The following C2CD3 variants were observed in gnomAD, a reference collection of about 807,000 sequenced individuals.
C2CD3 encodes the protein C2 domain-containing protein 3.
In C2CD3, 148 loss-of-function variants were observed where a neutral mutation model predicts 234.0. The ratio of observed to expected loss-of-function variants is 0.63; its 90% CI spans 0.55 to 0.72. The LOEUF (loss-of-function observed/expected upper bound fraction) is 0.72. Ranked by LOEUF, C2CD3 falls within the 30% of genes least tolerant of loss-of-function variation. The pLI, the probability that C2CD3 is intolerant of heterozygous loss-of-function variation, is 0.00. For missense variants in C2CD3, 2,577 were observed against 2,811.5 expected (o/e 0.92, Z 1.89); for synonymous variants, 1,000 against 1,035.4 (o/e 0.97, Z 0.66).
intron 3 of C2CD3, among the ~76,000 whole-genome samples, chr11:74,154,795 A>T (rs905624586): frequency 2.0e-5 from 3 of 152,098 alleles, no homozygotes; most frequent in Non-Finnish European, 4.4e-5. Flanking sequence ...CAGTCTGTGA[A>T]CTCCTGAAGA....
chr11:74,121,576 C>T (rs920083206), intron 8 of C2CD3, among the ~76,000 whole-genome samples: 1 of 126,486 alleles, frequency 7.9e-6, no homozygotes, highest in African/African-American at 3.0e-5. Context: ...CTCTGCACTC[C>T]AGACTGGGTG....
intron 15 of C2CD3, among the ~76,000 whole-genome samples, chr11:74,099,357 G>A (rs1479196192): frequency 6.6e-6 from 1 of 152,108 alleles, no homozygotes; most frequent in African/African-American, 2.4e-5. Flanking sequence ...TTACAGATGA[G>A]GAAAAGAAAG....
chr11:74,094,405 G>A (rs1470809350), intron 17 of C2CD3, among the ~76,000 whole-genome samples: 2 of 152,006 alleles, frequency 1.3e-5, no homozygotes, highest in East Asian at 3.9e-4. Flanking sequence ...ATTTGTAAGA[G>A]TTCTTTATAT....
chr11:74,094,559 T>C (rs1341054979), intron 17 of C2CD3, among the ~76,000 whole-genome samples: 4 of 152,070 alleles, frequency 2.6e-5, no homozygotes, highest in African/African-American at 7.2e-5. Flanking sequence ...GTGAGCGAGT[T>C]TGACTTCTTG....
At chr11:74,106,979 T>C (rs976130714) in intron 12 of C2CD3, among the ~76,000 whole-genome samples, 4 of 152,226 alleles carry the variant, frequency 2.6e-5, no homozygotes, top group African/African-American at 9.6e-5. Context: ...GCTTTAAATA[T>C]TTATGCTCTT....
chr11:74,144,760 A>G (rs1466259197), intron 3 of C2CD3, among the ~76,000 whole-genome samples: 2 of 152,168 alleles, frequency 1.3e-5, no homozygotes, highest in African/African-American at 4.8e-5. Context: ...AGTTCCATCC[A>G]TGTCCTGCAA....
chr11:74,100,876 G>A (rs1291987231), intron 14 of C2CD3, among the ~76,000 whole-genome samples, 200 bp from the exon 15 acceptor site: 1 of 152,162 alleles, frequency 6.6e-6, no homozygotes, highest in East Asian at 1.9e-4. Flanking sequence ...ATAAAGGCCA[G>A]ATACAAAACA....
intron 22 of C2CD3, among the ~76,000 whole-genome samples, chr11:74,079,864 T>C (rs537182766): frequency 1.3e-5 from 2 of 152,208 alleles, no homozygotes; most frequent in East Asian, 1.9e-4. Context: ...ATAGAGTACA[T>C]AAACTGAATA....
At chr11:74,085,485 C>T in intron 21 of C2CD3, 133 bp downstream of exon 21, 12 of 878,074 alleles carry the variant, frequency 1.4e-5, no homozygotes, top group Admixed American at 1.1e-4. Flanking sequence ...TTTGCTATAT[C>T]TTTCAGAAAT....
In C2CD3 at chr11:74,054,599, G is replaced by A; in HGVS notation, c.5155+8C>T. 1.9e-6 allele frequency: 3 copies of A among 1,567,770 alleles called. No individual in the cohort carries two copies. The highest frequency in any genetic ancestry group is 2.6e-6 in the Non-Finnish European group (3 of 1,142,676). ...AGCAAGCAGATATTCTTTTAACAGA[G>A]TTCATACCTCCTTTATGCCAAACTT... On this transcript the variant is annotated splice_region_variant and intron_variant, in intron 26 of 32. Transcript: ENST00000334126.
At chr11:74,056,459 C>T (rs1437072336) in intron 25 of C2CD3, among the ~76,000 whole-genome samples, 2 of 152,148 alleles carry the variant, frequency 1.3e-5, no homozygotes, top group Non-Finnish European at 2.9e-5. Context: ...CAAGGGAGAC[C>T]TAACATTTGT....
chr11:74,106,192 G>A (rs1005536666), intron 13 of C2CD3, among the ~76,000 whole-genome samples, 179 bp downstream of exon 13: 2 of 152,016 alleles, frequency 1.3e-5, no homozygotes, highest in Non-Finnish European at 2.9e-5. Context: ...CTTTCTCACA[G>A]GTACTCACTA....
At chr11:74,085,094 A>T (rs1345821342) in intron 21 of C2CD3, 124 bp from the exon 22 acceptor site, 7 of 564,008 alleles carry the variant, frequency 1.2e-5, no homozygotes. Flanking sequence ...AATGCATTAG[A>T]GATTATCTTG....
intron 24 of C2CD3, among the ~76,000 whole-genome samples, chr11:74,071,918 TTGTAAG>T (rs1954810435): frequency 6.6e-6 from 1 of 152,184 alleles, no homozygotes; most frequent in African/African-American, 2.4e-5. Flanking sequence ...CATTGAAAAT[TTGTAAG>T]TATATTTTGC....
chr11:74,126,996 T>C (rs1957434947), intron 7 of C2CD3, among the ~76,000 whole-genome samples: 1 of 152,204 alleles, frequency 6.6e-6, no homozygotes, highest in South Asian at 2.1e-4. Context: ...AAAGTATATA[T>C]ATTTGTTTGT....
chr11:74,040,074 G>A (rs970997088), intron 29 of C2CD3, among the ~76,000 whole-genome samples: 2 of 152,186 alleles, frequency 1.3e-5, no homozygotes, highest in Non-Finnish European at 2.9e-5. Context: ...GAACTGGGCC[G>A]CACAGCAGGA....
chr11:74,152,470 T>C (rs556863273), intron 3 of C2CD3, among the ~76,000 whole-genome samples: 1 of 152,348 alleles, frequency 6.6e-6, no homozygotes, highest in Admixed American at 6.5e-5. Context: ...ACTAGACATT[T>C]AATCAATTCT....
intron 9 of C2CD3, among the ~76,000 whole-genome samples, chr11:74,116,897 TAC>T (rs1433382048): frequency 1.7e-5 from 2 of 119,500 alleles, no homozygotes; most frequent in African/African-American, 6.1e-5. Context: ...CGTGTATATA[TAC>T]ACACGTGTAT....
intron 25 of C2CD3, among the ~76,000 whole-genome samples, chr11:74,054,911 C>T (rs577065015): frequency 1.3e-5 from 2 of 152,264 alleles, no homozygotes; most frequent in African/African-American, 2.4e-5. Context: ...ATTTCCTCCC[C>T]ACCACTCCCA....
Sources: allele counts gnomAD v4.1 joint callset (sites outside exome capture counted in the v4.1 genomes callset), GRCh38; gene constraint gnomAD v4.1.1; transcripts MANE v1.5; gene names NCBI Gene and HGNC (gene_info 2026-07-23, HGNC 2026-07-21).